PSMD9: variants seen among roughly 807,000 people sequenced by gnomAD.
PSMD9 encodes the protein 26S proteasome non-ATPase regulatory subunit 9.
PSMD9 carries 26 observed loss-of-function variants against 25.9 expected under a neutral mutation model. The ratio of observed to expected loss-of-function variants is 1.00; its 90% confidence interval spans 0.73 to 1.39. The LOEUF (loss-of-function observed/expected upper bound fraction) is 1.39, where lower values mean the gene tolerates loss of function less well. Among genes scored for constraint, PSMD9 ranks in the 40% most tolerant of loss-of-function variants. The pLI, the probability that PSMD9 is intolerant of heterozygous loss-of-function variation, is 0.00. For missense variants in PSMD9, 303 were observed against 299.3 expected, an observed-to-expected ratio of 1.01 and a Z score of -0.09; for synonymous variants, 110 against 114.5, an observed-to-expected ratio of 0.96 and a Z score of 0.25.
intron 4 of PSMD9, chr12:121,911,032 T>TTTTTTG (rs142734893): frequency 1.1e-5 from 5 of 450,754 alleles, no homozygotes; most frequent in South Asian, 7.8e-5. Context: ...CTGTGTAGTT[T>TTTTTTG]TTTTGTTTTG....
intron 3 of PSMD9, among the ~76,000 whole-genome samples, chr12:121,900,877 C>T (rs1010869793): frequency 1.2e-4 from 18 of 150,250 alleles, no homozygotes; most frequent in Admixed American, 1.0e-3. Flanking sequence ...CCCAGCTACT[C>T]GGGAGGCTGA....
intron 2 of PSMD9, chr12:121,899,150 G>T (rs183519416): frequency 6.2e-6 from 1 of 161,540 alleles, no homozygotes; most frequent in South Asian, 1.7e-4. Context: ...CTCTGTGCCC[G>T]GCTTATGCAG....
intron 1 of PSMD9, among the ~76,000 whole-genome samples, chr12:121,891,179 C>G (rs1317640669): frequency 3.3e-5 from 5 of 150,336 alleles, no homozygotes; most frequent in African/African-American, 9.7e-5. Flanking sequence ...GCCTGTAGTC[C>G]TAGCTACTTG....
intron 3 of PSMD9, among the ~76,000 whole-genome samples, chr12:121,900,063 G>C (rs572659357): frequency 6.6e-6 from 1 of 152,326 alleles, no homozygotes; most frequent in East Asian, 1.9e-4. Context: ...CTACATTGGT[G>C]GGGGAGTGAC....
intron 3 of PSMD9, among the ~76,000 whole-genome samples, chr12:121,901,389 C>T (rs1420268571): frequency 3.3e-5 from 5 of 152,130 alleles, no homozygotes; most frequent in Non-Finnish European, 5.9e-5. Flanking sequence ...CACTCTCTCA[C>T]CCAGACTTCA....
intron 1 of PSMD9, among the ~76,000 whole-genome samples, chr12:121,892,910 A>G (rs1355650194): frequency 6.6e-6 from 1 of 152,176 alleles, no homozygotes; most frequent in Non-Finnish European, 1.5e-5. Context: ...TTTACACTTT[A>G]CATGGGTCAG....
intron 1 of PSMD9, among the ~76,000 whole-genome samples, 179 bp downstream of exon 1, chr12:121,889,173 AAG>A (rs1218418308): frequency 2.0e-5 from 3 of 152,244 alleles, no homozygotes; most frequent in Non-Finnish European, 4.4e-5. Context: ...TTAGCAACTG[AAG>A]AGTTAGCCAT....
intron 4 of PSMD9, among the ~76,000 whole-genome samples, chr12:121,903,413 A>G (rs879673395): frequency 6.6e-6 from 1 of 152,088 alleles, no homozygotes; most frequent in Non-Finnish European, 1.5e-5. Flanking sequence ...CCCCACCCCT[A>G]ATACCATCAC....
At chr12:121,891,116 G>A (rs1474178901) in intron 1 of PSMD9, among the ~76,000 whole-genome samples, 4 of 143,542 alleles carry the variant, frequency 2.8e-5, no homozygotes, top group Admixed American at 6.9e-5. Flanking sequence ...TTGAGCCACC[G>A]CGCCAGGCCT....
rs1203123923 is a variant in PSMD9 at position 121,888,953 on chromosome 12, A to G, written c.97A>G (p.Ile33Val). The change falls in exon 1 of 6, where the codon ATA becomes GTA. Residue 33 changes from isoleucine to valine, a missense_variant. Ile to Val is a conservative substitution (Grantham distance 29). Transcript: ENST00000541212. ...GGAGCTGATGCGGCGCAAGGAGGAG[A>G]TAGAAGCGCAGATCAAGGCCAACTA... ...VQELMRRKEE[I>V]EAQIKANYDV... The G allele has an allele frequency of 6.3e-7, 1 of 1,591,676 alleles. No homozygotes were observed. Among genetic ancestry groups the G allele is most frequent in the East Asian group, 2.3e-5 (1 of 44,206 alleles).
chr12:121,912,060 T>TA (rs80017099), intron 4 of PSMD9, among the ~76,000 whole-genome samples: 19 of 145,258 alleles, frequency 1.3e-4, no homozygotes, highest in African/African-American at 4.3e-4. Flanking sequence ...TTTATTTATT[T>TA]TGAGACAGGT....
intron 1 of PSMD9, among the ~76,000 whole-genome samples, chr12:121,891,236 C>A (rs1879064838): frequency 6.9e-6 from 1 of 145,130 alleles, no homozygotes; most frequent in South Asian, 2.2e-4. Flanking sequence ...GTTGAGGCTG[C>A]AGGGAGCTAT....
intron 4 of PSMD9, among the ~76,000 whole-genome samples, chr12:121,906,341 A>G (rs1048869432): frequency 1.3e-5 from 2 of 152,076 alleles, no homozygotes; most frequent in African/African-American, 4.8e-5. Flanking sequence ...TGGAGAATCA[A>G]GAATCCGGGT....
chr12:121,915,919 C>T lies in PSMD9; in HGVS notation c.619C>T (p.Arg207Cys), dbSNP rs376869654. 3.3e-5 allele frequency: 54 copies of T among 1,613,762 alleles called. 1 individual carries two copies. The highest frequency in any genetic ancestry group is 1.8e-4 in the East Asian group (8 of 44,904). ...EKHQLRLVPT[R>C]WAGKGLLGCN... ...ACACCAGCTTAGACTTGTTCCAACA[C>T]GCTGGGCAGGAAAAGGACTGCTGGG... Residue 207 changes from arginine to cysteine, a missense_variant, in exon 5 of 6, where the codon CGC becomes TGC. Arg to Cys is a radical substitution (Grantham distance 180, BLOSUM62 -3). Transcript: ENST00000541212.
intron 4 of PSMD9, among the ~76,000 whole-genome samples, chr12:121,913,084 C>A (rs1287597403): frequency 1.3e-5 from 2 of 151,296 alleles, no homozygotes; most frequent in African/African-American, 4.8e-5. Flanking sequence ...CTACAGGCGT[C>A]CACCACCAAG....
intron 2 of PSMD9, among the ~76,000 whole-genome samples, chr12:121,897,039 G>A (rs1011752994): frequency 6.6e-6 from 1 of 151,954 alleles, no homozygotes; most frequent in Non-Finnish European, 1.5e-5. Flanking sequence ...ACACATATGA[G>A]TGAATGACTC....
At chr12:121,901,662 C>CCTT (rs1402220897) in intron 3 of PSMD9, among the ~76,000 whole-genome samples, 5 of 125,056 alleles carry the variant, frequency 4.0e-5, no homozygotes, top group African/African-American at 1.8e-4. Flanking sequence ...GCCCTTCATT[C>CCTT]CTTCTTTTTT....
intron 1 of PSMD9, among the ~76,000 whole-genome samples, chr12:121,889,877 T>C (rs1201935703): frequency 6.6e-6 from 1 of 151,928 alleles, no homozygotes; most frequent in South Asian, 2.1e-4. Context: ...TATGCCCAAG[T>C]AGGGTGGGAT....
intron 1 of PSMD9, among the ~76,000 whole-genome samples, chr12:121,893,131 C>T (rs1170715869): frequency 6.6e-6 from 1 of 151,980 alleles, no homozygotes; most frequent in Admixed American, 6.6e-5. Flanking sequence ...GTTATGGATC[C>T]CATCCTTTGA....
Sources: allele counts gnomAD v4.1 joint callset (sites outside exome capture counted in the v4.1 genomes callset), GRCh38; gene constraint gnomAD v4.1.1; transcripts MANE v1.5; gene names NCBI Gene and HGNC (gene_info 2026-07-23, HGNC 2026-07-21).